Variants in KCNK9 observed in about 807,000 individuals in gnomAD.
The protein encoded by KCNK9 is potassium channel subfamily K member 9.
In KCNK9, 1 loss-of-function variant was observed where a neutral mutation model predicts 10.8. The observed-to-expected ratio is 0.09, with a 90% confidence interval of 0.03 to 0.44. KCNK9 has a LOEUF of 0.44. Among genes scored for constraint, KCNK9 ranks in the 20% least tolerant of loss-of-function variants. KCNK9 has a pLI of 0.97. For synonymous variants in KCNK9, 231 were observed against 222.7 expected (o/e 1.04, Z -0.33); for missense variants, 303 against 515.0 (o/e 0.59, Z 3.98).
intron 1 of KCNK9, among the ~76,000 whole-genome samples, chr8:139,674,071 C>T (rs1816495413): frequency 6.6e-6 from 1 of 152,198 alleles, no homozygotes; most frequent in African/African-American, 2.4e-5. Context: ...CAACAGCCAA[C>T]CCACGTGGGG....
Position 139,668,712 on chromosome 8 carries a change from G to A in KCNK9, c.283+33998C>T, listed in dbSNP as rs183259789. Among the ~76,000 whole-genome samples, 12 of 152,290 alleles carry A rather than the reference G, an allele frequency of 7.9e-5. No homozygotes were observed. In the East Asian group the frequency reaches 9.7e-4, roughly 12 times the overall value. On this transcript the variant is annotated intron_variant, in intron 1 of 1. Transcript: ENST00000520439. ...GCTGGGATTACAGGCGTGAGCCACCGCGCCCGTCGTGTAAATGGAACTCTT... is the reference window on the plus strand; with the variant it reads ...GCTGGGATTACAGGCGTGAGCCACCACGCCCGTCGTGTAAATGGAACTCTT...
At chr8:139,608,117 G>A (rs900010814), downstream of KCNK9, among the ~76,000 whole-genome samples, 8 of 152,202 alleles carry the variant, frequency 5.3e-5, no homozygotes, top group East Asian at 1.9e-4. Flanking sequence ...CTCTGGATGC[G>A]TAGAGGTCTC....
chr8:139,672,625 G>A (rs1469205420), intron 1 of KCNK9, among the ~76,000 whole-genome samples: 1 of 152,238 alleles, frequency 6.6e-6, no homozygotes, highest in Non-Finnish European at 1.5e-5. Context: ...TGTAGCAGAG[G>A]GACATGGTTG....
At chr8:139,645,471 G>C (rs1441013055) in intron 1 of KCNK9, among the ~76,000 whole-genome samples, 2 of 152,114 alleles carry the variant, frequency 1.3e-5, no homozygotes, top group African/African-American at 4.8e-5. Flanking sequence ...GAAGAACTGG[G>C]ACCTTCTCCA....
chr8:139,697,676 A>G (rs1027957804), intron 1 of KCNK9, among the ~76,000 whole-genome samples: 2 of 152,066 alleles, frequency 1.3e-5, no homozygotes, highest in African/African-American at 4.8e-5. Flanking sequence ...GGTGAGGGCA[A>G]TGGGTATCTC....
chr8:139,648,470 A>G lies in KCNK9; in HGVS notation c.284-29371T>C, dbSNP rs1036186011. On this transcript the variant is annotated intron_variant, in intron 1 of 1. Coordinates refer to ENST00000520439, the MANE Select transcript of KCNK9 (RefSeq NM_001282534.2). ...GGGAGACTATTGCAACAACCCATGCAAGATGGTGATGGCTGCCGCGTCACC... is the reference window on the plus strand; with the variant it reads ...GGGAGACTATTGCAACAACCCATGCGAGATGGTGATGGCTGCCGCGTCACC... 2.6e-5 allele frequency among the ~76,000 whole-genome samples: 4 copies of G among 152,260 alleles called. No individual in the cohort carries two copies. In the East Asian group the frequency reaches 5.8e-4, roughly 22 times the overall value.
downstream of KCNK9, among the ~76,000 whole-genome samples, chr8:139,610,513 T>A (rs1814388694): frequency 6.6e-6 from 1 of 152,242 alleles, no homozygotes; most frequent in Non-Finnish European, 1.5e-5. Context: ...CCCAGGATGC[T>A]TAAGTGAAAG....
At chr8:139,674,669 G>A (rs981953218) in intron 1 of KCNK9, among the ~76,000 whole-genome samples, 4 of 152,148 alleles carry the variant, frequency 2.6e-5, no homozygotes, top group Non-Finnish European at 5.9e-5. Flanking sequence ...GGGGCCAGAC[G>A]GTCTCTCCCC....
chr8:139,650,051 T>C (rs1815813698), intron 1 of KCNK9, among the ~76,000 whole-genome samples: 1 of 152,162 alleles, frequency 6.6e-6, no homozygotes, highest in East Asian at 1.9e-4. Context: ...AAAGGCCCTG[T>C]GGCAAGAGAG....
chr8:139,657,830 C>A (rs542047358), intron 1 of KCNK9, among the ~76,000 whole-genome samples: 1 of 152,304 alleles, frequency 6.6e-6, no homozygotes, highest in African/African-American at 2.4e-5. Context: ...GGTGGGGAGG[C>A]CTCTCCAGGA....
chr8:139,686,589 G>C (rs1816794534), intron 1 of KCNK9, among the ~76,000 whole-genome samples: 1 of 152,202 alleles, frequency 6.6e-6, no homozygotes, highest in Admixed American at 6.5e-5. Context: ...GTCGATTATT[G>C]TTGTTGTTAT....
chr8:139,637,081 G>T (rs1815360073), intron 1 of KCNK9, among the ~76,000 whole-genome samples: 1 of 152,258 alleles, frequency 6.6e-6, no homozygotes, highest in Admixed American at 6.5e-5. Flanking sequence ...GGAGGCTTTG[G>T]AAAGCTACAA....
rs1814628166 is a variant in KCNK9 at position 139,617,288 on chromosome 8, A to C, written c.*970T>G. ...ACAAAATCATCAATAAGAGGGAAATAGATACTCTGGGGTTCCAACAATTTT... is the reference window on the plus strand; with the variant it reads ...ACAAAATCATCAATAAGAGGGAAATCGATACTCTGGGGTTCCAACAATTTT... On this transcript the variant is annotated 3_prime_UTR_variant, in exon 2 of 2. Coordinates refer to ENST00000520439, the MANE Select transcript of KCNK9 (RefSeq NM_001282534.2). Among the ~76,000 whole-genome samples the C allele has an allele frequency of 6.6e-6, 1 of 152,216 alleles. No individual in the cohort carries two copies. Among genetic ancestry groups the C allele is most frequent in the Admixed American group, 6.5e-5 (1 of 15,276 alleles).
chr8:139,669,202 G>C (rs1473708854), intron 1 of KCNK9, among the ~76,000 whole-genome samples: 1 of 152,130 alleles, frequency 6.6e-6, no homozygotes, highest in South Asian at 2.1e-4. Context: ...CATGTGAATG[G>C]CTGCTGATTG....
chr8:139,674,941 C>T (rs946613301), intron 1 of KCNK9, among the ~76,000 whole-genome samples: 2 of 152,294 alleles, frequency 1.3e-5, no homozygotes, highest in African/African-American at 4.8e-5. Context: ...ATCCCCTCTC[C>T]CTACCCCTCT....
At position 139,618,519 on chromosome 8, in the gene KCNK9, C is replaced by T. The variant is rs760013455; in HGVS notation, c.864G>A (p.Ala288=). ...EPRPSRPRYK[A]DVPDLQSVCS... ...ACACAGACTGCAGGTCCGGGACGTC[C>T]GCCTTGTACCTGGGCCGGCTGGGCC... is the stretch of plus-strand genomic sequence containing the variant. Residue 288 remains alanine, a synonymous_variant, in exon 2 of 2, where the codon GCG becomes GCA. Coordinates refer to ENST00000520439, the MANE Select transcript of KCNK9 (RefSeq NM_001282534.2). The surrounding 1 kb of genome is among the most constrained non-coding windows in gnomAD (Gnocchi z 7.9). 54 of 1,613,480 alleles carry T rather than the reference C, an allele frequency of 3.3e-5. 1 individual carries two copies. The highest frequency in any genetic ancestry group is 2.5e-4 in the South Asian group (23 of 91,078).
intron 1 of KCNK9, among the ~76,000 whole-genome samples, chr8:139,662,873 AG>A (rs1410454061): frequency 0.19 from 2,370 of 12,314 alleles, 15 homozygotes; most frequent in Non-Finnish European, 0.21. Context: ...GGGTGGGGGA[AG>A]GGGGGGGGGC....
At chr8:139,601,888 G>A (rs1056945925) in intron 2 of KCNK9, 2 of 152,098 alleles carry the variant, frequency 1.3e-5, no homozygotes, top group African/African-American at 2.4e-5. Context: ...CCTGAGGAAC[G>A]GTGTCCCCAG....
intron 1 of KCNK9, among the ~76,000 whole-genome samples, chr8:139,652,767 C>T (rs4736087): frequency 0.18 from 27,941 of 152,142 alleles, 4,902 homozygotes; most frequent in East Asian, 0.55. Flanking sequence ...CAAACGCTGT[C>T]AGCTACTGGC....
Sources: gnomAD v4.1 joint callset for allele counts (sites outside exome capture counted in the v4.1 genomes callset) on GRCh38, gnomAD v4.1.1 for gene constraint, Gnocchi (gnomAD v3.1) non-coding constraint, MANE v1.5 for transcripts, NCBI Gene and HGNC (gene_info 2026-07-23, HGNC 2026-07-21) for gene names.